Variants in SLC14A2 observed in about 807,000 individuals in gnomAD.
SLC14A2 encodes urea transporter 2.
In SLC14A2, 91 loss-of-function variants were observed where a neutral mutation model predicts 104.6. The ratio of observed to expected loss-of-function variants is 0.87; its 90% CI spans 0.73 to 1.04. The LOEUF is 1.04. Ranked by LOEUF, SLC14A2 falls within the 50% of genes least tolerant of loss-of-function variation. SLC14A2 has a pLI of 0.00. For synonymous variants in SLC14A2, 476 were observed against 466.4 expected, an observed-to-expected ratio of 1.02 and a Z score of -0.27; for missense variants, 1,189 against 1,156.0, an observed-to-expected ratio of 1.03 and a Z score of -0.41.
At chr18:45,168,360 C>G in the SLC14A2 span, among the ~76,000 whole-genome samples, 1 of 152,094 alleles carries the variant, frequency 6.6e-6, no homozygotes, top group Admixed American at 6.6e-5. Flanking sequence ...GCTTTGGAGC[C>G]AGACGTTCGG....
intron 2 of SLC14A2, among the ~76,000 whole-genome samples, chr18:45,540,158 G>A (rs1568267276): frequency 6.6e-6 from 1 of 152,018 alleles, no homozygotes; most frequent in African/African-American, 2.4e-5. Flanking sequence ...CTATTTTGCT[G>A]CTGCCCCAGA....
At chr18:45,185,516 C>T in the SLC14A2 span, among the ~76,000 whole-genome samples, 1 of 152,254 alleles carries the variant, frequency 6.6e-6, no homozygotes, top group South Asian at 2.1e-4. Context: ...AAGGCATCTA[C>T]AATAAACATA....
chr18:45,355,948 A>G (rs560999995), intron 1 of SLC14A2, among the ~76,000 whole-genome samples: 43 of 152,318 alleles, frequency 2.8e-4, no homozygotes, highest in African/African-American at 9.9e-4. Context: ...GACTAGAGGC[A>G]AAGAGAAAAT....
intron 1 of SLC14A2, among the ~76,000 whole-genome samples, chr18:45,390,174 A>C (rs1250453429): frequency 1.3e-5 from 2 of 152,162 alleles, no homozygotes; most frequent in African/African-American, 4.8e-5. Context: ...AATCGACACG[A>C]GCACTGGGAG....
chr18:45,459,948 CCTT>C (rs1276041208), intron 1 of SLC14A2, among the ~76,000 whole-genome samples: 1 of 152,226 alleles, frequency 6.6e-6, no homozygotes, highest in Non-Finnish European at 1.5e-5. Context: ...TTCCTCAAAA[CCTT>C]AGCCCATTTC....
chr18:45,244,968 T>G (rs2084354687), intron 1 of SLC14A2, among the ~76,000 whole-genome samples: 1 of 152,186 alleles, frequency 6.6e-6, no homozygotes, highest in South Asian at 2.1e-4. Context: ...CCTAAGAATG[T>G]AAGTGGAAGG....
At chr18:45,312,524 C>T (rs2085089197) in intron 1 of SLC14A2, among the ~76,000 whole-genome samples, 1 of 152,122 alleles carries the variant, frequency 6.6e-6, no homozygotes, top group Admixed American at 6.5e-5. Context: ...GCCAAATCAT[C>T]TCAAATACCA....
chr18:45,343,536 A>T (rs926418856), intron 1 of SLC14A2, among the ~76,000 whole-genome samples: 7 of 152,102 alleles, frequency 4.6e-5, no homozygotes, highest in African/African-American at 1.7e-4. Flanking sequence ...TCTCCATCCA[A>T]TTAAAATGTT....
chr18:45,680,544 C>G (rs1322833128), intron 19 of SLC14A2, among the ~76,000 whole-genome samples: 8 of 152,188 alleles, frequency 5.3e-5, no homozygotes, highest in Non-Finnish European at 1.0e-4. Flanking sequence ...CATCCAAGCT[C>G]TCCTCAGAAG....
At chr18:45,194,806 G>A in the SLC14A2 span, among the ~76,000 whole-genome samples, 5 of 151,426 alleles carry the variant, frequency 3.3e-5, no homozygotes, top group East Asian at 3.9e-4. Flanking sequence ...CCATCATGCC[G>A]GCTAATTTTT....
intron 2 of SLC14A2, among the ~76,000 whole-genome samples, chr18:45,554,082 T>C (rs918921450): frequency 2.0e-5 from 3 of 152,262 alleles, no homozygotes; most frequent in African/African-American, 7.2e-5. Flanking sequence ...AGCATTACAA[T>C]GCCCCACTTC....
chr18:45,367,207 T>C (rs1410667375), intron 1 of SLC14A2, among the ~76,000 whole-genome samples: 2 of 152,228 alleles, frequency 1.3e-5, no homozygotes, highest in African/African-American at 4.8e-5. Flanking sequence ...ATTTTACAAT[T>C]ATGAAAACAG....
intron 1 of SLC14A2, among the ~76,000 whole-genome samples, chr18:45,315,738 C>T (rs187081835): frequency 1.4e-4 from 22 of 152,270 alleles, no homozygotes; most frequent in Non-Finnish European, 2.6e-4. Flanking sequence ...CTCCACTATC[C>T]TCAAGCAGGC....
chr18:45,389,116 G>T (rs543261185), intron 1 of SLC14A2, among the ~76,000 whole-genome samples: 4 of 152,200 alleles, frequency 2.6e-5, no homozygotes, highest in Non-Finnish European at 4.4e-5. Flanking sequence ...GCAAGCCCTG[G>T]TATGTAGAGA....
intron 1 of SLC14A2, among the ~76,000 whole-genome samples, chr18:45,239,595 A>G (rs1246468878): frequency 6.6e-6 from 1 of 152,204 alleles, no homozygotes; most frequent in Non-Finnish European, 1.5e-5. Context: ...TTGTACAGCA[A>G]CAGTAAAAGA....
At chr18:45,384,281 C>T (rs542162462) in intron 1 of SLC14A2, among the ~76,000 whole-genome samples, 3 of 152,114 alleles carry the variant, frequency 2.0e-5, no homozygotes, top group South Asian at 2.1e-4. Flanking sequence ...GCTCACCTCC[C>T]GCAGTTGGTG....
At chr18:45,581,657 A>AATAATTCTACTCACACAGTTGT (rs1568284916) in intron 2 of SLC14A2, among the ~76,000 whole-genome samples, 1 of 152,148 alleles carries the variant, frequency 6.6e-6, no homozygotes, top group Non-Finnish European at 1.5e-5. Context: ...TGGATATAAT[A>AATAATTCTACTCACACAGTTGT]ATAATTCTAC....
At chr18:45,663,949 T>C (rs1374371426) in intron 11 of SLC14A2, 42 bp downstream of exon 11, 2 of 1,560,888 alleles carry the variant, frequency 1.3e-6, no homozygotes, top group African/African-American at 2.7e-5. Flanking sequence ...CCTGCCTTCC[T>C]AGTCTCTAAT....
intron 2 of SLC14A2, among the ~76,000 whole-genome samples, chr18:45,595,516 A>C (rs1380240081): frequency 6.6e-6 from 1 of 152,138 alleles, no homozygotes. Flanking sequence ...TTAACCATTA[A>C]GTAAACTGGG....
Sources: allele counts gnomAD v4.1 joint callset (sites outside exome capture counted in the v4.1 genomes callset), GRCh38; gene constraint gnomAD v4.1.1; transcripts MANE v1.5; gene names NCBI Gene and HGNC (gene_info 2026-07-23, HGNC 2026-07-21).